Variants in GRID2IP observed in about 807,000 individuals in gnomAD.
The protein encoded by GRID2IP is Grid2 interacting protein.
A neutral mutation model predicts 114.3 loss-of-function variants in GRID2IP; 78 were observed. The observed-to-expected ratio is 0.68, with a 90% CI of 0.57 to 0.82. GRID2IP has a LOEUF of 0.82. Ranked by LOEUF, GRID2IP falls within the 40% of genes least tolerant of loss-of-function variation. The pLI is 0.00. For missense variants in GRID2IP, 1,727 were observed against 1,678.5 expected (o/e 1.03, Z -0.51); for synonymous variants, 809 against 724.0 (o/e 1.12, Z -1.89).
At chr7:6,540,825 A>G (rs935671459) in intron 1 of GRID2IP, among the ~76,000 whole-genome samples, 14 of 149,030 alleles carry the variant, frequency 9.4e-5, no homozygotes, top group African/African-American at 3.5e-4. Context: ...ACCACCGCAC[A>G]CAGCCAATTT....
chr7:6,497,829 A>T lies in GRID2IP; in HGVS notation c.3581T>A (p.Leu1194Gln). The change falls in exon 22 of 22, where the codon CTG (leucine) becomes CAG (glutamine). Residue 1194 changes from leucine (L) to glutamine (Q), a missense_variant. Transcript: ENST00000457091. ...GCTGCGCAGGCCCTCCCCGGCCTGC[A>T]GGTCACTCAGCGCTCGCTGGGGAGG... ...MSKFERALSD[L>Q]QAGEGLRSSG... 1.3e-6 allele frequency: 2 copies of T among 1,550,198 alleles called. No individual in the cohort carries two copies. The highest frequency in any genetic ancestry group is 1.7e-6 in the Non-Finnish European group (2 of 1,146,750).
chr7:6,508,551 G>GA lies in GRID2IP; in HGVS notation c.2128-151dup, dbSNP rs1786664577. On this transcript the variant is annotated intron_variant, in intron 12 of 21. Coordinates refer to ENST00000457091, the MANE Select transcript of GRID2IP (RefSeq NM_001145118.2). This position sits in a 1 kb window ranked among gnomAD's most constrained non-coding sequence, Gnocchi z 5.6. ...GGCTGTGAGGGACACCTGGGCTAAG[G>GA]ATAGGACTGTCTCACAGGTTAACCT... 2 of 1,332,346 alleles carry GA rather than the reference G, an allele frequency of 1.5e-6. No homozygotes were observed. Among genetic ancestry groups the GA allele is most frequent in the South Asian group, 2.9e-5 (2 of 69,160 alleles). 82.5% of individuals were successfully genotyped at this position (1,332,346 alleles called of 1,614,324 possible). A position where few individuals can be genotyped will look rare whatever the true frequency, so the allele number is the denominator to read the frequency against.
intron 2 of GRID2IP, among the ~76,000 whole-genome samples, chr7:6,530,790 T>C (rs887512298): frequency 1.3e-5 from 2 of 152,200 alleles, no homozygotes; most frequent in Admixed American, 1.3e-4. Context: ...GGAAGGAAAG[T>C]GGGCTTTCAA....
chr7:6,543,832 C>T (rs918035342), intron 1 of GRID2IP, among the ~76,000 whole-genome samples: 1 of 151,966 alleles, frequency 6.6e-6, no homozygotes, highest in Non-Finnish European at 1.5e-5. Flanking sequence ...CACTCTGTCG[C>T]TCACTCTGTC....
At position 6,508,997 on chromosome 7, in the gene GRID2IP, G is replaced by A. The variant is rs192784186; in HGVS notation, c.2088C>T (p.Ile696=). 7.8e-5 allele frequency: 121 copies of A among 1,548,302 alleles called. 1 individual carries two copies. The East Asian group carries it at 2.1e-3, about 27-fold the overall frequency. ...TCTCCGGGGTCAGGAAATCATCCACGATGGTGACCCGGGGGCCCAGCTGCT... is the reference window on the plus strand; with the variant it reads ...TCTCCGGGGTCAGGAAATCATCCACAATGGTGACCCGGGGGCCCAGCTGCT... The part of the protein sequence containing the change: ...LSEQLGPRVT[I]VDDFLTPEND... Residue 696 remains isoleucine (I), a synonymous_variant, in exon 12 of 22, where the codon ATC becomes ATT. Transcript: ENST00000457091. The surrounding 1 kb of genome is among the most constrained non-coding windows in gnomAD (Gnocchi z 5.6).
intron 7 of GRID2IP, among the ~76,000 whole-genome samples, chr7:6,514,856 G>A (rs113142481): frequency 0.013 from 1,903 of 151,870 alleles, 45 homozygotes; most frequent in African/African-American, 0.043. Context: ...GGAGGCTGAG[G>A]CAGGAGAATT....
Position 6,509,098 on chromosome 7 carries a change from T to TGGGC in GRID2IP, c.1983_1986dup (p.Ser663AlafsTer19). ...GAGAAGGTGAAGAGCTTCCTGCGGCTGGGCGGGCGGGTGGGGTCCGGGCTT... is the reference window on the plus strand; with the variant it reads ...GAGAAGGTGAAGAGCTTCCTGCGGCTGGGCGGGCGGGCGGGTGGGGTCCGGGCTT... On this transcript the variant is annotated frameshift_variant, in exon 12 of 22. Coordinates refer to ENST00000457091, the MANE Select transcript of GRID2IP (RefSeq NM_001145118.2). LOFTEE classifies it high-confidence loss of function. The surrounding 1 kb of genome is among the most constrained non-coding windows in gnomAD (Gnocchi z 4.9). The TGGGC allele has an allele frequency of 5.6e-6, 2 of 354,174 alleles. No individual in the cohort carries two copies. Among genetic ancestry groups the TGGGC allele is most frequent in the Non-Finnish European group, 1.1e-5 (2 of 181,548 alleles). The allele number at this position is 354,174 out of a possible 1,614,324, so 21.9% of individuals were successfully genotyped here.
At chr7:6,548,817 G>C (rs944511322) in intron 1 of GRID2IP, among the ~76,000 whole-genome samples, 5 of 150,672 alleles carry the variant, frequency 3.3e-5, no homozygotes, top group South Asian at 2.1e-4. Flanking sequence ...ACTCCAGCCT[G>C]GGTGACAGAG....
intron 1 of GRID2IP, among the ~76,000 whole-genome samples, chr7:6,548,552 AG>A (rs956379715): frequency 3.3e-5 from 5 of 152,080 alleles, no homozygotes; most frequent in African/African-American, 4.8e-5. Context: ...ATGTAAAAAA[AG>A]TTGGCCAGAT....
rs1253468005 is a variant in GRID2IP, at chr7:6,507,709, T to C, written c.2544+276A>G. On this transcript the variant is annotated intron_variant, in intron 13 of 21. Transcript: ENST00000457091. The surrounding 1 kb of genome is among the most constrained non-coding windows in gnomAD (Gnocchi z 5.3). ...TGCTCTTTTAAAGGTTTAAGAGAAC[T>C]TGTCTGGCCTCAAAAGTGATAGGTT... Among the ~76,000 whole-genome samples the C allele has an allele frequency of 1.3e-5, 2 of 152,180 alleles. No individual in the cohort carries two copies. Among genetic ancestry groups the C allele is most frequent in the Admixed American group, 1.3e-4 (2 of 15,276 alleles).
At chr7:6,529,828 CACAATG>C (rs1225695058) in intron 2 of GRID2IP, among the ~76,000 whole-genome samples, 1 of 152,188 alleles carries the variant, frequency 6.6e-6, no homozygotes, top group East Asian at 1.9e-4. Flanking sequence ...CTGGGGGCCA[CACAATG>C]ACCTTGCACA....
At position 6,519,828 on chromosome 7, in the gene GRID2IP, A is replaced by G. The variant is rs991062471; in HGVS notation, c.1268+750T>C. 2.0e-5 allele frequency among the ~76,000 whole-genome samples: 3 copies of G among 152,234 alleles called. No homozygotes were observed. The highest frequency in any genetic ancestry group is 7.2e-5 in the African/African-American group (3 of 41,478). On this transcript the variant is annotated intron_variant, in intron 7 of 21. Transcript: ENST00000457091. The surrounding 1 kb of genome is among the most constrained non-coding windows in gnomAD (Gnocchi z 4.1). Reference sequence around the variant, plus strand: ...GGTATGGACAAGTGACAGGCTTTGCAGAGACCATAATAATGACCCCATGGA... The same window carrying G: ...GGTATGGACAAGTGACAGGCTTTGCGGAGACCATAATAATGACCCCATGGA...
intron 1 of GRID2IP, among the ~76,000 whole-genome samples, chr7:6,541,296 C>T (rs114052412): frequency 0.015 from 2,285 of 152,194 alleles, 61 homozygotes; most frequent in African/African-American, 0.052. Flanking sequence ...TAATAAATAT[C>T]GTAAAGATCA....
In GRID2IP at chr7:6,537,914, C is replaced by A. The variant is rs539363060; in HGVS notation, c.584+1804G>T. ...TGCACTGCTGACCCTGCTCGTGGTC[C>A]TGTGACTGCTACCAATTTGCTGTGT... On this transcript the variant is annotated intron_variant, in intron 2 of 21. Transcript: ENST00000457091. Among the ~76,000 whole-genome samples, 245 of 152,156 alleles carry A rather than the reference C, an allele frequency of 1.6e-3. 1 individual carries two copies. The highest frequency in any genetic ancestry group is 5.7e-3 in the African/African-American group (236 of 41,514).
intron 2 of GRID2IP, among the ~76,000 whole-genome samples, chr7:6,535,045 C>G (rs972584293): frequency 2.0e-5 from 3 of 152,250 alleles, no homozygotes; most frequent in Admixed American, 2.0e-4. Context: ...GCCACCACCC[C>G]CAGCTAATTT....
At chr7:6,503,198 C>A in intron 16 of GRID2IP, 35 bp from the exon 17 acceptor site, 1 of 1,474,852 alleles carries the variant, frequency 6.8e-7, no homozygotes, top group South Asian at 1.4e-5. Context: ...TCACCCATCC[C>A]CTTCCTGGGA....
Position 6,520,492 on chromosome 7 carries a change from T to C in GRID2IP, c.1268+86A>G. 7.2e-7 allele frequency: 1 copy of C among 1,381,316 alleles called. No individual in the cohort carries two copies. The highest frequency in any genetic ancestry group is 1.4e-5 in the South Asian group (1 of 72,060). 85.6% of individuals were successfully genotyped at this position (1,381,316 alleles called of 1,614,324 possible). ...CCCCAGGAGAACGGGACTGAGGAGG[T>C]TCAGGCAGGGAGACTGGGATGTGAG... On this transcript the variant is annotated intron_variant, in intron 7 of 21. Transcript: ENST00000457091. This position sits in a 1 kb window ranked among gnomAD's most constrained non-coding sequence, Gnocchi z 4.6.
At chr7:6,529,354 G>A (rs530898394) in intron 2 of GRID2IP, among the ~76,000 whole-genome samples, 1 of 152,258 alleles carries the variant, frequency 6.6e-6, no homozygotes, top group Admixed American at 6.5e-5. Flanking sequence ...AGGAGGCTGA[G>A]GCACGAGAAT....
Position 6,510,613 on chromosome 7 carries a change from T to C in GRID2IP, c.1649A>G (p.Lys550Arg), listed in dbSNP as rs547190552. 168 of 1,534,100 alleles carry C rather than the reference T, an allele frequency of 1.1e-4. No individual in the cohort carries two copies. The Admixed American group carries it at 3.6e-3, about 33-fold the overall frequency. The change falls in exon 10 of 22, where the codon AAG (lysine) becomes AGG (arginine). Residue 550 changes from lysine (K) to arginine (R), a missense_variant. By Grantham distance (26) the Lys-to-Arg change is conservative. Coordinates refer to ENST00000457091, the MANE Select transcript of GRID2IP (RefSeq NM_001145118.2). ...GTSLPETPNP[K>R]MMSAVYAELE... Reference sequence around the variant, plus strand: ...GGAGGGCAGAGAAGGTCTCACCATCTTGGGGTTGGGGGTCTCAGGGAGGGA... The same window carrying C: ...GGAGGGCAGAGAAGGTCTCACCATCCTGGGGTTGGGGGTCTCAGGGAGGGA...
Sources: allele counts gnomAD v4.1 joint callset (sites outside exome capture counted in the v4.1 genomes callset), GRCh38; gene constraint gnomAD v4.1.1; non-coding constraint Gnocchi (gnomAD v3.1); transcripts MANE v1.5; gene names NCBI Gene and HGNC (gene_info 2026-07-23, HGNC 2026-07-21).